SPIN1: variants seen among roughly 807,000 people sequenced by gnomAD.
SPIN1 encodes spindlin-1.
SPIN1 carries 3 observed loss-of-function variants against 26.0 expected under a neutral mutation model. That is an observed-to-expected ratio of 0.12 (90% CI 0.05 to 0.30). The LOEUF (loss-of-function observed/expected upper bound fraction) is 0.30, where lower values mean the gene tolerates loss of function less well. SPIN1 is among the 10% of genes least tolerant of loss of function. SPIN1 has a pLI of 1.00. For missense variants in SPIN1, 126 were observed against 333.4 expected (o/e 0.38, Z 4.84); for synonymous variants, 101 against 116.5 (o/e 0.87, Z 0.86).
At chr9:88,430,179 CAG>C (rs1474115950) in intron 2 of SPIN1, among the ~76,000 whole-genome samples, 1 of 152,164 alleles carries the variant, frequency 6.6e-6, no homozygotes, top group Non-Finnish European at 1.5e-5. Context: ...GTAGGCATTT[CAG>C]AGTTGGTTAG....
intron 2 of SPIN1, among the ~76,000 whole-genome samples, chr9:88,437,907 C>T (rs1256402081): frequency 6.6e-6 from 1 of 152,144 alleles, no homozygotes; most frequent in Non-Finnish European, 1.5e-5. Flanking sequence ...AGCCTGCAAT[C>T]CCAGCACTTT....
chr9:88,423,488 TAGTGC>T, intron 1 of SPIN1, among the ~76,000 whole-genome samples: 1 of 151,952 alleles, frequency 6.6e-6, no homozygotes, highest in East Asian at 1.9e-4. Flanking sequence ...ACCCAGGCTG[TAGTGC>T]AGTGGTGCGA....
intron 1 of SPIN1, among the ~76,000 whole-genome samples, chr9:88,399,826 C>T (rs1336667181): frequency 6.6e-6 from 1 of 152,220 alleles, no homozygotes; most frequent in Non-Finnish European, 1.5e-5. Flanking sequence ...GAATGATCAG[C>T]TCAGGCTTTT....
intron 2 of SPIN1, among the ~76,000 whole-genome samples, chr9:88,436,101 A>G (rs1827993693): frequency 1.3e-5 from 2 of 152,068 alleles, no homozygotes; most frequent in Admixed American, 1.3e-4. Context: ...TTTCTAGCCC[A>G]GTTTTGTTTG....
At chr9:88,461,292 G>A (rs1423636848) in intron 3 of SPIN1, among the ~76,000 whole-genome samples, 1 of 152,102 alleles carries the variant, frequency 6.6e-6, no homozygotes, top group Non-Finnish European at 1.5e-5. Flanking sequence ...AGGCAGACCT[G>A]GGTTTTCTGG....
intron 1 of SPIN1, among the ~76,000 whole-genome samples, chr9:88,404,953 T>C (rs1827265552): frequency 6.7e-6 from 1 of 149,872 alleles, no homozygotes; most frequent in Non-Finnish European, 1.5e-5. Flanking sequence ...ACTAAGATAC[T>C]CAGGATCATC....
intron 3 of SPIN1, among the ~76,000 whole-genome samples, chr9:88,454,967 G>A (rs1187973287): frequency 6.6e-6 from 1 of 152,034 alleles, no homozygotes; most frequent in Non-Finnish European, 1.5e-5. Flanking sequence ...TAAAGAAATT[G>A]GACAGAAATA....
At chr9:88,475,035 T>TTCTCTC (rs749902187) in intron 5 of SPIN1, 43 bp from the exon 6 acceptor site, 36 of 1,341,950 alleles carry the variant, frequency 2.7e-5, no homozygotes, top group African/African-American at 8.7e-5. Context: ...CTTAGAAATT[T>TTCTCTC]TCTCTCTCTC....
At chr9:88,465,397 A>AT (rs1828646737) in intron 4 of SPIN1, among the ~76,000 whole-genome samples, 1 of 152,164 alleles carries the variant, frequency 6.6e-6, no homozygotes, top group African/African-American at 2.4e-5. Flanking sequence ...CAGTTGTACC[A>AT]TTTTCCAGTC....
chr9:88,399,068 A>G (rs140382340), intron 1 of SPIN1, among the ~76,000 whole-genome samples: 3,326 of 141,530 alleles, frequency 0.024, 127 homozygotes, highest in African/African-American at 0.082. Context: ...GTCTTGCTCT[A>G]TTGCCCAGGC....
chr9:88,472,426 G>A (rs1003077518), intron 5 of SPIN1, among the ~76,000 whole-genome samples: 34 of 151,596 alleles, frequency 2.2e-4, no homozygotes, highest in African/African-American at 5.8e-4. Context: ...TAGAGATGGC[G>A]TTTCACCATG....
At chr9:88,462,807 G>T in intron 4 of SPIN1, 58 bp downstream of exon 4, 1 of 1,498,870 alleles carries the variant, frequency 6.7e-7, no homozygotes, top group Non-Finnish European at 8.9e-7. Context: ...TGAACTGGAT[G>T]CTTTTTTTAT....
intron 1 of SPIN1, among the ~76,000 whole-genome samples, chr9:88,400,167 C>T (rs1055122469): frequency 3.3e-5 from 5 of 152,186 alleles, no homozygotes; most frequent in Non-Finnish European, 7.3e-5. Flanking sequence ...TGTAATCCTT[C>T]TTTCTTGTAG....
chr9:88,439,344 T>G (rs1828071264), intron 2 of SPIN1, among the ~76,000 whole-genome samples: 2 of 152,200 alleles, frequency 1.3e-5, no homozygotes, highest in Non-Finnish European at 2.9e-5. Flanking sequence ...ATTGTCCACA[T>G]GGGTTGAGCT....
chr9:88,389,501 C>G (rs115619219), intron 1 of SPIN1: 4 of 152,124 alleles, frequency 2.6e-5, no homozygotes, highest in Non-Finnish European at 5.9e-5. Flanking sequence ...TCTCTTTTTA[C>G]TTATAATTTT....
In SPIN1 at chr9:88,467,868, A is replaced by C. The variant is rs561181624; in HGVS notation, c.356-504A>C. The stretch of plus-strand genomic sequence containing the variant: ...TTTAAAAAAAAAAAACAAAAAAAAA[A>C]CCCTCTGTGCCTTGAATAGCTTTTC... On this transcript the variant is annotated intron_variant, in intron 4 of 5. Transcript: ENST00000375859. Among the ~76,000 whole-genome samples, 26 of 151,008 alleles carry C rather than the reference A, an allele frequency of 1.7e-4. 1 individual carries two copies. The South Asian group carries it at 3.2e-3, about 18-fold the overall frequency.
intron 1 of SPIN1, chr9:88,415,479 C>T (rs1424709275): frequency 6.6e-6 from 1 of 152,050 alleles, no homozygotes; most frequent in Non-Finnish European, 1.5e-5. Flanking sequence ...GCAGTGATGC[C>T]ATCCTGGCTC....
In SPIN1 at chr9:88,438,457, C is replaced by T. The variant is rs139712373; in HGVS notation, c.53-10484C>T. Among the ~76,000 whole-genome samples, 285 of 152,252 alleles carry T rather than the reference C, an allele frequency of 1.9e-3. 1 individual carries two copies. Among genetic ancestry groups the T allele is most frequent in the Middle Eastern group, 3.4e-3 (1 of 294 alleles). ...CTTTTAAATTTGTGAAACTGTTTTA[C>T]AGTTCATAATGTCGTCTGTTTTGGT... On this transcript the variant is annotated intron_variant, in intron 2 of 5. Transcript: ENST00000375859.
chr9:88,411,646 C>T (rs368370089), intron 1 of SPIN1, among the ~76,000 whole-genome samples: 3 of 151,770 alleles, frequency 2.0e-5, no homozygotes, highest in African/African-American at 7.3e-5. Context: ...CCCTAGTAGC[C>T]GGGACTACAG....
Sources: gnomAD v4.1 joint callset for allele counts (sites outside exome capture counted in the v4.1 genomes callset) on GRCh38, gnomAD v4.1.1 for gene constraint, MANE v1.5 for transcripts, NCBI Gene and HGNC (gene_info 2026-07-23, HGNC 2026-07-21) for gene names.